The following MSI2 variants were observed in gnomAD, a reference collection of about 807,000 sequenced individuals.
MSI2 encodes the protein RNA-binding protein Musashi homolog 2.
MSI2 carries 17 observed loss-of-function variants against 45.6 expected under a neutral mutation model. That is an observed-to-expected ratio of 0.37 (90% confidence interval 0.26 to 0.56). The LOEUF is 0.56. MSI2 is among the 20% of genes least tolerant of loss of function. The probability of loss-of-function intolerance (pLI) is 0.77; values close to 1 mark genes in which losing one functional copy is unlikely to be tolerated. For missense variants in MSI2, 293 were observed against 444.2 expected, an observed-to-expected ratio of 0.66 and a Z score of 3.06; for synonymous variants, 156 against 158.2, an observed-to-expected ratio of 0.99 and a Z score of 0.11.
chr17:57,314,665 T>A (rs1912704307), intron 5 of MSI2, among the ~76,000 whole-genome samples: 1 of 144,706 alleles, frequency 6.9e-6, no homozygotes, highest in Non-Finnish European at 1.5e-5. Context: ...TCCCACTCCC[T>A]GGTTCAAGTG....
intron 11 of MSI2, among the ~76,000 whole-genome samples, chr17:57,665,301 G>T (rs1303338984): frequency 6.6e-6 from 1 of 152,220 alleles, no homozygotes; most frequent in African/African-American, 2.4e-5. Context: ...TGCAGCAACT[G>T]TAAACAGAGA....
intron 6 of MSI2, among the ~76,000 whole-genome samples, chr17:57,509,641 G>A (rs1025980992): frequency 2.0e-5 from 3 of 151,982 alleles, no homozygotes; most frequent in Non-Finnish European, 4.4e-5. Context: ...GGCTGGTCTC[G>A]AACACCTGAC....
chr17:57,499,640 A>G (rs1016186796), intron 6 of MSI2, among the ~76,000 whole-genome samples: 1 of 152,200 alleles, frequency 6.6e-6, no homozygotes, highest in Non-Finnish European at 1.5e-5. Context: ...CAATCGTTAT[A>G]TTATTTCTCG....
chr17:57,352,790 G>A (rs1916125574), intron 5 of MSI2, among the ~76,000 whole-genome samples: 1 of 152,198 alleles, frequency 6.6e-6, no homozygotes, highest in Non-Finnish European at 1.5e-5. Context: ...TAACTTGGAT[G>A]GAATCCCTCT....
At position 57,611,730 on chromosome 17, in the gene MSI2, A is replaced by G. The variant is rs1359477984; in HGVS notation, c.538-4240A>G. On this transcript the variant is annotated intron_variant, in intron 8 of 13. Coordinates refer to ENST00000284073, the MANE Select transcript of MSI2 (RefSeq NM_138962.4). ...GAGAAGCCATGGTGGACGCCCCATC[A>G]GCAGGCCCAGCCAAACCAGTGTGGC... Among the ~76,000 whole-genome samples the G allele has an allele frequency of 1.1e-4, 11 of 95,740 alleles. 3 individuals are homozygous for G. The highest frequency in any genetic ancestry group is 3.6e-4 in the African/African-American group (11 of 30,792). The allele number at this position is 95,740 out of a possible 152,430, so 62.8% of individuals were successfully genotyped here.
At chr17:57,293,908 T>G (rs1215656126) in intron 5 of MSI2, among the ~76,000 whole-genome samples, 1 of 63,850 alleles carries the variant, frequency 1.6e-5, no homozygotes, top group Non-Finnish European at 3.2e-5. Context: ...GTGCCCAGCC[T>G]GTTTTTTTTT....
intron 6 of MSI2, among the ~76,000 whole-genome samples, chr17:57,427,361 G>A (rs970505991): frequency 6.6e-6 from 1 of 151,810 alleles, no homozygotes; most frequent in African/African-American, 2.4e-5. Context: ...TCGCACCACT[G>A]CACTCCAGCC....
chr17:57,497,071 G>T (rs1156660511), intron 6 of MSI2, among the ~76,000 whole-genome samples: 1 of 152,146 alleles, frequency 6.6e-6, no homozygotes, highest in African/African-American at 2.4e-5. Flanking sequence ...TCTGCCTCCC[G>T]AGTTCAAGCG....
At chr17:57,488,521 TA>T (rs149197267) in intron 6 of MSI2, among the ~76,000 whole-genome samples, 1 of 152,056 alleles carries the variant, frequency 6.6e-6, no homozygotes, top group Non-Finnish European at 1.5e-5. Context: ...AAGTGCTGCT[TA>T]AAAATGTGTT....
intron 5 of MSI2, among the ~76,000 whole-genome samples, chr17:57,309,740 G>A (rs181670153): frequency 6.6e-6 from 1 of 152,250 alleles, no homozygotes; most frequent in African/African-American, 2.4e-5. Flanking sequence ...AGGAGTCGTT[G>A]GGGAAGAGGA....
chr17:57,597,529 G>C (rs1168071308), intron 8 of MSI2, among the ~76,000 whole-genome samples: 1 of 149,008 alleles, frequency 6.7e-6, no homozygotes, highest in Non-Finnish European at 1.5e-5. Context: ...ACCTACTCGA[G>C]GTGAGAGGAT....
intron 6 of MSI2, among the ~76,000 whole-genome samples, chr17:57,518,037 G>A (rs2086506849): frequency 1.3e-5 from 2 of 152,112 alleles, no homozygotes; most frequent in Admixed American, 1.3e-4. Context: ...GTGTCACCTT[G>A]GCAGAGCTCT....
chr17:57,689,532 T>C (rs951374059), downstream of MSI2, among the ~76,000 whole-genome samples: 1 of 152,208 alleles, frequency 6.6e-6, no homozygotes, highest in African/African-American at 2.4e-5. Flanking sequence ...AAAAATCAGA[T>C]ACATTGAGGT....
At chr17:57,371,687 C>G (rs1430524880) in intron 5 of MSI2, among the ~76,000 whole-genome samples, 2 of 151,736 alleles carry the variant, frequency 1.3e-5, no homozygotes, top group African/African-American at 4.8e-5. Flanking sequence ...TTTATTTGAC[C>G]AAAGCCTGTT....
At chr17:57,587,828 G>C (rs1904452492) in intron 7 of MSI2, among the ~76,000 whole-genome samples, 1 of 152,198 alleles carries the variant, frequency 6.6e-6, no homozygotes, top group Non-Finnish European at 1.5e-5. Context: ...TTAAGAGATG[G>C]AATGGGGCTC....
chr17:57,333,460 CAG>C (rs1372929985), intron 5 of MSI2, among the ~76,000 whole-genome samples: 1 of 147,310 alleles, frequency 6.8e-6, no homozygotes, highest in Non-Finnish European at 1.5e-5. Context: ...TTTTTTGAGA[CAG>C]AGTCTCACTC....
At chr17:57,572,902 A>T (rs2087916129) in intron 7 of MSI2, among the ~76,000 whole-genome samples, 1 of 152,250 alleles carries the variant, frequency 6.6e-6, no homozygotes, top group Non-Finnish European at 1.5e-5. Flanking sequence ...GATGGCTGTA[A>T]CTTATGGGCA....
At chr17:57,505,357 GGA>G (rs1165331850) in intron 6 of MSI2, among the ~76,000 whole-genome samples, 1 of 152,110 alleles carries the variant, frequency 6.6e-6, no homozygotes, top group Non-Finnish European at 1.5e-5. Context: ...AGGGAGCCTG[GGA>G]GAGTTACAGA....
At chr17:57,487,625 G>A (rs2085781365) in intron 6 of MSI2, among the ~76,000 whole-genome samples, 1 of 152,016 alleles carries the variant, frequency 6.6e-6, no homozygotes, top group South Asian at 2.1e-4. Flanking sequence ...CCCCAGGAAA[G>A]CCTGAGCTCC....
Sources: allele counts gnomAD v4.1 joint callset (sites outside exome capture counted in the v4.1 genomes callset), GRCh38; gene constraint gnomAD v4.1.1; transcripts MANE v1.5; gene names NCBI Gene and HGNC (gene_info 2026-07-23, HGNC 2026-07-21).